OSBPL6: variants seen among roughly 807,000 people sequenced by gnomAD.
OSBPL6 encodes oxysterol-binding protein-related protein 6.
OSBPL6 carries 49 observed loss-of-function variants against 125.8 expected under a neutral mutation model. The observed-to-expected ratio is 0.39, with a 90% confidence interval of 0.31 to 0.49. The LOEUF (loss-of-function observed/expected upper bound fraction) is 0.49, where lower values mean the gene tolerates loss of function less well. OSBPL6 is among the 20% of genes least tolerant of loss of function. The probability of loss-of-function intolerance (pLI) is 0.88; values close to 1 mark genes in which losing one functional copy is unlikely to be tolerated. For synonymous variants in OSBPL6, 394 were observed against 391.8 expected, an observed-to-expected ratio of 1.01 and a Z score of -0.07; for missense variants, 986 against 1,135.4, an observed-to-expected ratio of 0.87 and a Z score of 1.89.
intron 1 of OSBPL6, among the ~76,000 whole-genome samples, chr2:178,197,699 T>A (rs1458288920): frequency 6.6e-6 from 1 of 152,194 alleles, no homozygotes; most frequent in Non-Finnish European, 1.5e-5. Flanking sequence ...CAAATTATCT[T>A]ATTACACTGT....
intron 12 of OSBPL6, among the ~76,000 whole-genome samples, chr2:178,357,670 A>G (rs76311523): frequency 0.063 from 9,596 of 152,244 alleles, 390 homozygotes; most frequent in South Asian, 0.15. Flanking sequence ...GTGAAAAACC[A>G]TGTGGTGACT....
intron 3 of OSBPL6, among the ~76,000 whole-genome samples, chr2:178,315,925 C>A (rs1687694327): frequency 6.6e-6 from 1 of 152,126 alleles, no homozygotes; most frequent in Non-Finnish European, 1.5e-5. Context: ...AAAACGTCAT[C>A]CCAAAGGACC....
intron 13 of OSBPL6, among the ~76,000 whole-genome samples, chr2:178,365,120 G>A (rs1427760540): frequency 6.6e-6 from 1 of 152,160 alleles, no homozygotes; most frequent in African/African-American, 2.4e-5. Context: ...AGGTTGCAAT[G>A]AGCTGAGATC....
intron 15 of OSBPL6, among the ~76,000 whole-genome samples, chr2:178,378,355 A>T (rs971196615): frequency 6.6e-6 from 1 of 152,196 alleles, no homozygotes; most frequent in Non-Finnish European, 1.5e-5. Flanking sequence ...AAAGGAAGAA[A>T]TGCTTATAAT....
At position 178,306,116 on chromosome 2, in the gene OSBPL6, CTTTG is replaced by C. The variant is rs1429365272; in HGVS notation, c.-63_-60del. On this transcript the variant is annotated 5_prime_UTR_variant, in exon 3 of 25. The change creates a premature stop within an existing upstream ORF in the 5' untranslated region. Coordinates refer to ENST00000190611, the MANE Select transcript of OSBPL6 (RefSeq NM_032523.4). ...AATGAAGCTGAAAAATCATCTACTTCTTTGTTTGTGGATTTGAGAGAAGATTGGG... is the reference window on the plus strand; with the variant it reads ...AATGAAGCTGAAAAATCATCTACTTCTTTGTGGATTTGAGAGAAGATTGGG... The C allele has an allele frequency of 5.4e-5, 53 of 979,630 alleles. No homozygotes were observed. Among genetic ancestry groups the C allele is most frequent in the Admixed American group, 4.3e-4 (23 of 53,676 alleles). 60.7% of individuals were successfully genotyped at this position (979,630 alleles called of 1,614,324 possible). A position where few individuals can be genotyped will look rare whatever the true frequency, so the allele number is the denominator to read the frequency against.
intron 1 of OSBPL6, among the ~76,000 whole-genome samples, chr2:178,197,999 A>G (rs950994270): frequency 6.6e-6 from 1 of 152,194 alleles, no homozygotes; most frequent in African/African-American, 2.4e-5. Context: ...GAGAAGAGGA[A>G]GGCTGTTGTG....
chr2:178,300,214 C>A (rs897809863), intron 2 of OSBPL6, among the ~76,000 whole-genome samples: 2 of 152,172 alleles, frequency 1.3e-5, no homozygotes, highest in Admixed American at 1.3e-4. Context: ...ACTTTGAGAT[C>A]CCTGTAGGTC....
At chr2:178,197,623 T>C (rs1474533925) in intron 1 of OSBPL6, among the ~76,000 whole-genome samples, 1 of 152,200 alleles carries the variant, frequency 6.6e-6, no homozygotes, top group Non-Finnish European at 1.5e-5. Flanking sequence ...ACAATCATAA[T>C]AAACAGAACA....
At chr2:178,242,881 C>G (rs1263303455) in intron 1 of OSBPL6, among the ~76,000 whole-genome samples, 1 of 151,832 alleles carries the variant, frequency 6.6e-6, no homozygotes, top group Non-Finnish European at 1.5e-5. Flanking sequence ...AGCTATGAAG[C>G]AATAGTCACA....
chr2:178,399,988 C>G lies in OSBPL6; in HGVS notation c.*4429C>G, dbSNP rs928941660. 6.6e-6 allele frequency: 1 copy of G among 151,892 alleles called. No homozygotes were observed. The highest frequency in any genetic ancestry group is 2.4e-5 in the African/African-American group (1 of 41,358). The allele number at this position is 151,892 out of a possible 1,614,324, so 9.4% of individuals were successfully genotyped here. On this transcript the variant is annotated 3_prime_UTR_variant, in exon 25 of 25. Coordinates refer to ENST00000190611, the MANE Select transcript of OSBPL6 (RefSeq NM_032523.4). ...TATTTTCTGCAATTTTTTTTTCTAG[C>G]CATTCCTTCCTCCCAAATAGAAGTG...
At chr2:178,317,075 T>C (rs754080287) in intron 3 of OSBPL6, among the ~76,000 whole-genome samples, 1 of 152,018 alleles carries the variant, frequency 6.6e-6, no homozygotes, top group Non-Finnish European at 1.5e-5. Context: ...TTTTCTGTTT[T>C]CCCCCCAAAA....
chr2:178,376,401 T>A (rs1693879043), intron 15 of OSBPL6, among the ~76,000 whole-genome samples: 1 of 152,110 alleles, frequency 6.6e-6, no homozygotes, highest in South Asian at 2.1e-4. Flanking sequence ...TCACTCGGGT[T>A]CTATAGCTTC....
chr2:178,375,002 A>C (rs1693732381), intron 15 of OSBPL6, among the ~76,000 whole-genome samples: 1 of 152,202 alleles, frequency 6.6e-6, no homozygotes, highest in Admixed American at 6.5e-5. Context: ...ATCCCAAGGC[A>C]TGCATTAACA....
rs1693312737 is a variant in OSBPL6 at position 178,370,803 on chromosome 2, C to G, written c.1288-1323C>G. ...ATTTGACATATTTTACAAACTGGTTCTAACAGCTTCAAACAAAATCCAAAG... is the reference window on the plus strand; with the variant it reads ...ATTTGACATATTTTACAAACTGGTTGTAACAGCTTCAAACAAAATCCAAAG... On this transcript the variant is annotated intron_variant, in intron 13 of 24. Transcript: ENST00000190611. 1.3e-5 allele frequency among the ~76,000 whole-genome samples: 2 copies of G among 152,162 alleles called. 1 individual carries two copies. The highest frequency in any genetic ancestry group is 2.9e-5 in the Non-Finnish European group (2 of 68,032).
At chr2:178,352,580 T>C (rs1836205) in intron 12 of OSBPL6, among the ~76,000 whole-genome samples, 31,262 of 152,006 alleles carry the variant, frequency 0.21, 3,352 homozygotes, top group Admixed American at 0.29. Flanking sequence ...AACAAAGCAG[T>C]CAGGAAGCTC....
At chr2:178,198,057 T>G (rs2089008638) in intron 1 of OSBPL6, among the ~76,000 whole-genome samples, 2 of 152,146 alleles carry the variant, frequency 1.3e-5, no homozygotes, top group African/African-American at 4.8e-5. Context: ...ATGAGAAATT[T>G]TCCAACAGTG....
chr2:178,335,111 T>G (rs1689561785), intron 8 of OSBPL6, among the ~76,000 whole-genome samples: 1 of 152,138 alleles, frequency 6.6e-6, no homozygotes, highest in East Asian at 1.9e-4. Context: ...AAATATAAAT[T>G]TTTAATTACT....
chr2:178,274,833 G>A (rs1334029879), intron 1 of OSBPL6, among the ~76,000 whole-genome samples: 1 of 152,032 alleles, frequency 6.6e-6, no homozygotes, highest in East Asian at 1.9e-4. Context: ...GTGTGACTAG[G>A]ATGCAACTTA....
intron 3 of OSBPL6, chr2:178,320,447 A>T (rs1688139205): frequency 1.3e-6 from 2 of 1,565,774 alleles, no homozygotes; most frequent in Non-Finnish European, 1.7e-6. Context: ...TCCTTAAAAA[A>T]CTGACCTGGA....
Sources: allele counts gnomAD v4.1 joint callset (sites outside exome capture counted in the v4.1 genomes callset), GRCh38; gene constraint gnomAD v4.1.1; transcripts MANE v1.5; gene names NCBI Gene and HGNC (gene_info 2026-07-23, HGNC 2026-07-21).